ULK4: variants seen among roughly 807,000 people sequenced by gnomAD.
The protein encoded by ULK4 is inactive serine/threonine-protein kinase ULK4.
Under a neutral mutation model 160.6 loss-of-function variants are expected in ULK4, and 133 were observed. The observed-to-expected ratio is 0.83, with a 90% CI of 0.72 to 0.96. The LOEUF (loss-of-function observed/expected upper bound fraction) is 0.96. ULK4 is among the 40% of genes least tolerant of loss of function. The probability of loss-of-function intolerance (pLI) is 0.00; values close to 1 mark genes in which losing one functional copy is unlikely to be tolerated. For missense variants in ULK4, 1,580 were observed against 1,499.5 expected, an observed-to-expected ratio of 1.05 and a Z score of -0.89; for synonymous variants, 534 against 539.8, an observed-to-expected ratio of 0.99 and a Z score of 0.15.
chr3:41,738,468 C>A (rs977279730), intron 22 of ULK4, among the ~76,000 whole-genome samples: 2 of 151,956 alleles, frequency 1.3e-5, no homozygotes, highest in South Asian at 4.1e-4. Flanking sequence ...AAACACTCTG[C>A]AAAGATCTGG....
intron 23 of ULK4, among the ~76,000 whole-genome samples, chr3:41,716,111 G>C (rs1458645856): frequency 6.6e-6 from 1 of 151,234 alleles, no homozygotes; most frequent in Admixed American, 6.6e-5. Flanking sequence ...TACTTGGGAG[G>C]CTGAGGCAGG....
intron 27 of ULK4, among the ~76,000 whole-genome samples, chr3:41,702,518 A>C (rs1195251229): frequency 6.6e-6 from 1 of 152,212 alleles, no homozygotes; most frequent in Non-Finnish European, 1.5e-5. Context: ...AGATGTCTGA[A>C]GGAAAAGAAT....
In ULK4 at chr3:41,715,250, T is replaced by C. The variant is rs779805990; in HGVS notation, c.2621A>G (p.Tyr874Cys). 5.0e-6 allele frequency: 8 copies of C among 1,613,222 alleles called. No homozygotes were observed. Among genetic ancestry groups the C allele is most frequent in the Middle Eastern group, 1.8e-4 (1 of 5,504 alleles). The change falls in exon 25 of 37, where the codon TAT becomes TGT. Residue 874 changes from tyrosine to cysteine, a missense_variant. Coordinates refer to ENST00000301831, the MANE Select transcript of ULK4 (RefSeq NM_017886.4). ...CGTGTTACTCACAAGAATAGTTCCA[T>C]AGCTGAAAAGAAACTCTTCTGTCAC... The part of the protein sequence containing the change: ...QVVTEEFLFS[Y>C]GTILSHIKSV...
chr3:41,748,220 C>CAT (rs200082099), intron 22 of ULK4, among the ~76,000 whole-genome samples: 19 of 142,976 alleles, frequency 1.3e-4, no homozygotes, highest in East Asian at 4.0e-4. Context: ...AGAGAGGCCA[C>CAT]ATATATATAT....
intron 27 of ULK4, among the ~76,000 whole-genome samples, chr3:41,682,433 T>C (rs2035953918): frequency 6.6e-6 from 1 of 152,254 alleles, no homozygotes; most frequent in Non-Finnish European, 1.5e-5. Flanking sequence ...AAAACTACTG[T>C]TTCATTTGAT....
At chr3:41,909,639 A>G (rs1041632903) in intron 11 of ULK4, among the ~76,000 whole-genome samples, 1 of 151,060 alleles carries the variant, frequency 6.6e-6, no homozygotes, top group Non-Finnish European at 1.5e-5. Context: ...CGCTTGAACC[A>G]GGGAGGTGGA....
At chr3:41,838,088 G>T in intron 17 of ULK4, among the ~76,000 whole-genome samples, 1 of 152,108 alleles carries the variant, frequency 6.6e-6, no homozygotes. Flanking sequence ...ATCTGAAACT[G>T]CCAGTGTTTA....
At chr3:41,613,847 C>T (rs2032826126) in intron 31 of ULK4, among the ~76,000 whole-genome samples, 1 of 152,172 alleles carries the variant, frequency 6.6e-6, no homozygotes, top group South Asian at 2.1e-4. Context: ...TGGAACTGTT[C>T]TGGTTAGAAA....
chr3:41,497,158 T>C (rs2085023282), intron 32 of ULK4, among the ~76,000 whole-genome samples: 1 of 152,060 alleles, frequency 6.6e-6, no homozygotes, highest in African/African-American at 2.4e-5. Flanking sequence ...TTAACAGATC[T>C]GAACTCTTTA....
chr3:41,388,138 T>G (rs1192016675), intron 35 of ULK4, among the ~76,000 whole-genome samples: 2 of 152,184 alleles, frequency 1.3e-5, no homozygotes, highest in Admixed American at 6.5e-5. Flanking sequence ...TGATGAGCGT[T>G]TTTTCATGTG....
intron 34 of ULK4, among the ~76,000 whole-genome samples, chr3:41,411,907 T>C (rs970054402): frequency 6.6e-6 from 1 of 152,068 alleles, no homozygotes; most frequent in Non-Finnish European, 1.5e-5. Context: ...ACAGGATGTC[T>C]CCTCTCACCA....
intron 18 of ULK4, among the ~76,000 whole-genome samples, chr3:41,829,419 G>C (rs148987191): frequency 0.22 from 30,637 of 138,992 alleles, 4,988 homozygotes; most frequent in African/African-American, 0.43. Context: ...CTAATATCCA[G>C]AATCTACAAT....
At chr3:41,600,630 C>T (rs1389130508) in intron 31 of ULK4, among the ~76,000 whole-genome samples, 2 of 152,232 alleles carry the variant, frequency 1.3e-5, no homozygotes, top group Non-Finnish European at 1.5e-5. Context: ...CCCCTCTCTC[C>T]TGAATGGGGG....
chr3:41,614,990 C>G (rs1191386532), intron 31 of ULK4, among the ~76,000 whole-genome samples: 1 of 152,092 alleles, frequency 6.6e-6, no homozygotes, highest in African/African-American at 2.4e-5. Flanking sequence ...CACAAGAGAA[C>G]CTTTCTTTGG....
At chr3:41,861,412 A>AT (rs1277667312) in intron 17 of ULK4, among the ~76,000 whole-genome samples, 1 of 152,148 alleles carries the variant, frequency 6.6e-6, no homozygotes, top group African/African-American at 2.4e-5. Flanking sequence ...TTTTCACCAG[A>AT]TATACCCTTC....
intron 17 of ULK4, among the ~76,000 whole-genome samples, chr3:41,837,169 C>G (rs9869207): frequency 0.31 from 47,673 of 152,114 alleles, 10,947 homozygotes; most frequent in African/African-American, 0.65. Context: ...GCAGGTGGGA[C>G]AGCTGCACAG....
chr3:41,737,510 A>C (rs979640358), intron 22 of ULK4, among the ~76,000 whole-genome samples: 52 of 151,830 alleles, frequency 3.4e-4, no homozygotes, highest in Non-Finnish European at 5.0e-4. Context: ...ACTGGAAAAA[A>C]CGACTTTCAA....
chr3:41,759,650 GTAAA>G (rs1472439639), intron 21 of ULK4, among the ~76,000 whole-genome samples: 1 of 152,024 alleles, frequency 6.6e-6, no homozygotes, highest in African/African-American at 2.4e-5. Flanking sequence ...CTATGGAAAG[GTAAA>G]TAAAAACTAG....
intron 32 of ULK4, among the ~76,000 whole-genome samples, chr3:41,556,177 A>T (rs1300335704): frequency 6.6e-6 from 1 of 152,210 alleles, no homozygotes; most frequent in African/African-American, 2.4e-5. Context: ...CCCTGAACTT[A>T]AAAGTTTTTA....
Sources: gnomAD v4.1 joint callset for allele counts (sites outside exome capture counted in the v4.1 genomes callset) on GRCh38, gnomAD v4.1.1 for gene constraint, MANE v1.5 for transcripts, NCBI Gene and HGNC (gene_info 2026-07-23, HGNC 2026-07-21) for gene names.